Variants in MBOAT2 observed in about 807,000 individuals in gnomAD.
MBOAT2 encodes the protein membrane bound glycerophospholipid O-acyltransferase 2, also known as membrane-bound glycerophospholipid O-acyltransferase 2.
A neutral mutation model predicts 63.4 loss-of-function variants in MBOAT2; 28 were observed. The ratio of observed to expected loss-of-function variants is 0.44; its 90% CI spans 0.33 to 0.61. The LOEUF (loss-of-function observed/expected upper bound fraction) is 0.61, where lower values mean the gene tolerates loss of function less well. MBOAT2 is among the 20% of genes least tolerant of loss of function. MBOAT2 has a pLI of 0.03. For missense variants in MBOAT2, 470 were observed against 605.8 expected (o/e 0.78, Z 2.35); for synonymous variants, 211 against 215.6 (o/e 0.98, Z 0.19).
Position 8,888,080 on chromosome 2 carries a change from C to T in MBOAT2, c.396-7G>A. On this transcript the variant is annotated splice_polypyrimidine_tract_variant and splice_region_variant and intron_variant, in intron 4 of 12. Coordinates refer to ENST00000305997, the MANE Select transcript of MBOAT2 (RefSeq NM_138799.4). ...AGTAATGATCATCATTGGGCTGTGA[C>T]AAGATAAAAAAAATTAGTGTTTTAA... is the stretch of plus-strand genomic sequence containing the variant. 3.1e-6 allele frequency: 5 copies of T among 1,606,362 alleles called. No homozygotes were observed. The highest frequency in any genetic ancestry group is 4.2e-6 in the Non-Finnish European group (5 of 1,176,696).
At chr2:8,905,042 TA>T (rs1410235635) in intron 4 of MBOAT2, among the ~76,000 whole-genome samples, 1 of 152,122 alleles carries the variant, frequency 6.6e-6, no homozygotes, top group Non-Finnish European at 1.5e-5. Context: ...CTTGTGCAAG[TA>T]AAACTGTCCC....
At chr2:8,948,651 T>C (rs1280268385) in intron 2 of MBOAT2, among the ~76,000 whole-genome samples, 1 of 152,218 alleles carries the variant, frequency 6.6e-6, no homozygotes, top group East Asian at 1.9e-4. Context: ...GCTCCATCCA[T>C]GTTGCTGCAA....
chr2:8,920,417 A>G (rs1285603668), intron 3 of MBOAT2, among the ~76,000 whole-genome samples: 1 of 152,242 alleles, frequency 6.6e-6, no homozygotes, highest in Non-Finnish European at 1.5e-5. Flanking sequence ...CCAATAGCAC[A>G]GTGTCTTGAT....
intron 1 of MBOAT2, among the ~76,000 whole-genome samples, chr2:8,970,193 A>ACTACAACTCAG (rs897750847): frequency 5.9e-5 from 9 of 152,244 alleles, no homozygotes; most frequent in African/African-American, 2.2e-4. Flanking sequence ...GTGCAATCAA[A>ACTACAACTCAG]CTACAACTCA....
chr2:8,866,830 TGTAA>T (rs1230300102), intron 9 of MBOAT2, among the ~76,000 whole-genome samples: 3 of 152,140 alleles, frequency 2.0e-5, no homozygotes, highest in Non-Finnish European at 4.4e-5. Context: ...CCTCTAAATT[TGTAA>T]GTATCTAGAA....
rs534509509 is a variant in MBOAT2, at chr2:8,859,107, C to T, written c.1338-203G>A. On this transcript the variant is annotated intron_variant, in intron 12 of 12. Transcript: ENST00000305997. ...ATTTATAGCACTGGATAAATCCAGG[C>T]TAATTAGAAGCCTGATTTTCTAGAT... 6.6e-5 allele frequency among the ~76,000 whole-genome samples: 10 copies of T among 152,184 alleles called. No homozygotes were observed. In the East Asian group the frequency reaches 1.9e-3, roughly 29 times the overall value.
In MBOAT2 at chr2:8,943,264, C is replaced by A; in HGVS notation, c.222G>T (p.Trp74Cys). The A allele has an allele frequency of 6.4e-7, 1 of 1,550,530 alleles. No homozygotes were observed. ...GLYLALFCFGWYALHFLVQSG... is the reference protein window; with the variant it reads ...GLYLALFCFGCYALHFLVQSG... ...TTTGTACAAGAAAGTGTAAGGCATACCTATAAAAAGTAAGAGCACTATTAG... is the reference window on the plus strand; with the variant it reads ...TTTGTACAAGAAAGTGTAAGGCATAACTATAAAAAGTAAGAGCACTATTAG... The change falls in exon 3 of 13, where the codon TGG becomes TGT. Residue 74 changes from tryptophan to cysteine, a missense_variant and splice_region_variant. Trp to Cys is a radical substitution (Grantham distance 215, BLOSUM62 -2). Coordinates refer to ENST00000305997, the MANE Select transcript of MBOAT2 (RefSeq NM_138799.4).
chr2:8,925,613 T>C (rs1173804413), intron 3 of MBOAT2, among the ~76,000 whole-genome samples: 1 of 152,250 alleles, frequency 6.6e-6, no homozygotes. Context: ...GAGCAGAGTC[T>C]GTTATCAGTT....
intron 3 of MBOAT2, among the ~76,000 whole-genome samples, chr2:8,919,044 GCT>G (rs750650703): frequency 1.3e-5 from 2 of 152,168 alleles, no homozygotes; most frequent in Non-Finnish European, 2.9e-5. Context: ...CACTTACCGT[GCT>G]CTTGAGGTTC....
chr2:8,988,562 A>C (rs1010468526), intron 1 of MBOAT2, among the ~76,000 whole-genome samples: 2 of 152,216 alleles, frequency 1.3e-5, no homozygotes, highest in Non-Finnish European at 2.9e-5. Flanking sequence ...TTGAAAGAAC[A>C]TTATATCCTT....
At chr2:8,985,122 G>A (rs185468619) in intron 1 of MBOAT2, among the ~76,000 whole-genome samples, 12 of 152,124 alleles carry the variant, frequency 7.9e-5, no homozygotes, top group Admixed American at 6.5e-4. Flanking sequence ...TTTTCTCAAC[G>A]GCTTTAAGAT....
intron 1 of MBOAT2, among the ~76,000 whole-genome samples, chr2:8,989,909 C>T (rs565426064): frequency 2.0e-5 from 3 of 152,258 alleles, no homozygotes; most frequent in South Asian, 4.2e-4. Context: ...GCCATGGCTG[C>T]CATTTATAGA....
At chr2:8,964,610 G>A (rs1031486592) in intron 1 of MBOAT2, among the ~76,000 whole-genome samples, 1 of 151,586 alleles carries the variant, frequency 6.6e-6, no homozygotes, top group Non-Finnish European at 1.5e-5. Flanking sequence ...CTCATCTTGT[G>A]TATTATATTT....
chr2:8,923,992 T>A (rs1666762085), intron 3 of MBOAT2, among the ~76,000 whole-genome samples: 1 of 152,068 alleles, frequency 6.6e-6, no homozygotes, highest in African/African-American at 2.4e-5. Context: ...CCAACACAGA[T>A]CCAGAAAACC....
Position 8,862,575 on chromosome 2 carries a change from A to T in MBOAT2, c.1185+15T>A. On this transcript the variant is annotated intron_variant, in intron 11 of 12. Coordinates refer to ENST00000305997, the MANE Select transcript of MBOAT2 (RefSeq NM_138799.4). The surrounding 1 kb of genome is among the most constrained non-coding windows in gnomAD (Gnocchi z 4.3). ...GTGGACCATTGAATTGTAAAATAAA[A>T]TTCTTGATACTTACAGCTCTTGCTG... 1.2e-6 allele frequency: 2 copies of T among 1,602,434 alleles called. No homozygotes were observed. Among genetic ancestry groups the T allele is most frequent in the Non-Finnish European group, 1.7e-6 (2 of 1,176,120 alleles).
intron 1 of MBOAT2, among the ~76,000 whole-genome samples, chr2:8,968,427 G>GA (rs1202705044): frequency 6.6e-6 from 1 of 152,150 alleles, no homozygotes; most frequent in Non-Finnish European, 1.5e-5. Flanking sequence ...CAAAGATGGG[G>GA]AAAAAACAGA....
At chr2:8,900,253 CCTTT>C (rs1487260534) in intron 4 of MBOAT2, among the ~76,000 whole-genome samples, 1 of 152,144 alleles carries the variant, frequency 6.6e-6, no homozygotes, top group East Asian at 1.9e-4. Flanking sequence ...GGAATTTGTC[CCTTT>C]CTTCAGCTGT....
intron 5 of MBOAT2, among the ~76,000 whole-genome samples, chr2:8,884,840 T>C (rs1558572559): frequency 6.6e-6 from 1 of 152,216 alleles, no homozygotes; most frequent in Non-Finnish European, 1.5e-5. Flanking sequence ...CAGCCTTCCT[T>C]CTCAGTTCAA....
intron 1 of MBOAT2, among the ~76,000 whole-genome samples, chr2:8,983,912 A>T (rs926572510): frequency 6.6e-6 from 1 of 152,188 alleles, no homozygotes; most frequent in Admixed American, 6.5e-5. Flanking sequence ...ATAATATAGG[A>T]AGATATCTTT....
Sources: allele counts gnomAD v4.1 joint callset (sites outside exome capture counted in the v4.1 genomes callset), GRCh38; gene constraint gnomAD v4.1.1; non-coding constraint Gnocchi (gnomAD v3.1); transcripts MANE v1.5; gene names NCBI Gene and HGNC (gene_info 2026-07-23, HGNC 2026-07-21).